The following NRXN1 variants were observed in gnomAD, a reference collection of about 807,000 sequenced individuals.
The protein encoded by NRXN1 is neurexin 1.
Under a neutral mutation model 150.9 loss-of-function variants are expected in NRXN1, and 39 were observed. That is an observed-to-expected ratio of 0.26 (90% CI 0.20 to 0.34). NRXN1 has a LOEUF of 0.34. Among genes scored for constraint, NRXN1 ranks in the 10% least tolerant of loss-of-function variants. The pLI is 1.00. For missense variants in NRXN1, 1,815 were observed against 1,949.9 expected (o/e 0.93, Z 1.30); for synonymous variants, 924 against 757.0 (o/e 1.22, Z -3.62).
At chr2:50,651,587 G>T (rs886616158) in intron 5 of NRXN1, among the ~76,000 whole-genome samples, 3 of 152,022 alleles carry the variant, frequency 2.0e-5, no homozygotes, top group African/African-American at 7.2e-5. Context: ...GAGCAGAGGA[G>T]ATGGAGGCTG....
At chr2:50,730,718 G>T (rs1200172969) in intron 5 of NRXN1, among the ~76,000 whole-genome samples, 2 of 140,614 alleles carry the variant, frequency 1.4e-5, no homozygotes, top group Middle Eastern at 4.3e-3. Context: ...TGTCGCACAG[G>T]CTGGAGTGCA....
chr2:50,824,147 A>C (rs968604978), intron 5 of NRXN1, among the ~76,000 whole-genome samples: 3 of 152,176 alleles, frequency 2.0e-5, no homozygotes, highest in African/African-American at 7.2e-5. Context: ...TTCACACACA[A>C]AAAAGAGAAA....
At chr2:50,079,722 C>G (rs1379359654) in intron 19 of NRXN1, among the ~76,000 whole-genome samples, 2 of 151,636 alleles carry the variant, frequency 1.3e-5, no homozygotes, top group Non-Finnish European at 2.9e-5. Flanking sequence ...CTAAATCATA[C>G]AGAATAAGAA....
intron 5 of NRXN1, among the ~76,000 whole-genome samples, chr2:50,672,877 G>A (rs983762036): frequency 3.9e-5 from 6 of 151,978 alleles, no homozygotes; most frequent in African/African-American, 1.4e-4. Context: ...GCTTTTGTGT[G>A]CACCACTATG....
chr2:50,034,608 A>G (rs546320174), intron 21 of NRXN1, among the ~76,000 whole-genome samples: 8 of 152,208 alleles, frequency 5.3e-5, no homozygotes, highest in African/African-American at 1.4e-4. Context: ...AAGTTTACCT[A>G]TATAACAAAC....
chr2:50,147,606 T>C (rs1461423294), intron 18 of NRXN1, among the ~76,000 whole-genome samples: 1 of 151,588 alleles, frequency 6.6e-6, no homozygotes, highest in Admixed American at 6.6e-5. Flanking sequence ...GACTGTAATA[T>C]GAAGTCACGT....
intron 8 of NRXN1, among the ~76,000 whole-genome samples, chr2:50,618,286 C>A (rs1276675956): frequency 6.6e-6 from 1 of 152,102 alleles, no homozygotes; most frequent in Non-Finnish European, 1.5e-5. Context: ...TTTCTCCATC[C>A]CTGCCTGTCT....
chr2:49,986,693 T>G (rs1029546515), intron 21 of NRXN1, among the ~76,000 whole-genome samples: 1 of 152,224 alleles, frequency 6.6e-6, no homozygotes, highest in African/African-American at 2.4e-5. Context: ...TAAGTGTAAT[T>G]AGCATATCCA....
intron 22 of NRXN1, among the ~76,000 whole-genome samples, chr2:49,934,748 A>C (rs1265742565): frequency 6.6e-6 from 1 of 152,070 alleles, no homozygotes; most frequent in Non-Finnish European, 1.5e-5. Flanking sequence ...AGGAAGCAGG[A>C]AAGTTAATCA....
chr2:50,809,008 G>GTC (rs1303052680), intron 5 of NRXN1, among the ~76,000 whole-genome samples: 1 of 152,050 alleles, frequency 6.6e-6, no homozygotes, highest in Non-Finnish European at 1.5e-5. Flanking sequence ...AATTCATAAT[G>GTC]TCTCTGGCCT....
intron 18 of NRXN1, among the ~76,000 whole-genome samples, chr2:50,097,441 C>T (rs1206981851): frequency 6.6e-6 from 1 of 152,102 alleles, no homozygotes; most frequent in Admixed American, 6.5e-5. Flanking sequence ...TTGATTGAAA[C>T]CAGAGTTGGG....
chr2:50,011,158 T>C (rs1239283717), intron 21 of NRXN1, among the ~76,000 whole-genome samples: 1 of 152,162 alleles, frequency 6.6e-6, no homozygotes, highest in Non-Finnish European at 1.5e-5. Flanking sequence ...CTGATATAGT[T>C]CTTGATGATC....
chr2:50,010,127 G>T (rs1441219357), intron 21 of NRXN1, among the ~76,000 whole-genome samples: 1 of 149,298 alleles, frequency 6.7e-6, no homozygotes, highest in Non-Finnish European at 1.5e-5. Flanking sequence ...TGTCCAAAAA[G>T]CAAAACAAAA....
At chr2:50,052,122 G>C (rs952478400) in intron 21 of NRXN1, among the ~76,000 whole-genome samples, 13 of 151,996 alleles carry the variant, frequency 8.6e-5, no homozygotes, top group African/African-American at 2.9e-4. Context: ...TCATATTTGG[G>C]GTGCTGATAC....
chr2:50,833,258 G>A (rs991600508), intron 5 of NRXN1, among the ~76,000 whole-genome samples: 3 of 152,202 alleles, frequency 2.0e-5, no homozygotes, highest in South Asian at 2.1e-4. Context: ...AGTTCCTCTG[G>A]AAAACAGTTT....
intron 18 of NRXN1, among the ~76,000 whole-genome samples, chr2:50,119,841 A>AT (rs201327205): frequency 6.6e-6 from 1 of 152,004 alleles, no homozygotes; most frequent in South Asian, 2.1e-4. Flanking sequence ...TTTGCTCTTA[A>AT]TTTTTTTTCC....
chr2:49,961,319 T>TGC (rs1491576979), intron 21 of NRXN1, among the ~76,000 whole-genome samples: 2 of 141,538 alleles, frequency 1.4e-5, no homozygotes, highest in Non-Finnish European at 3.0e-5. Flanking sequence ...TGCGCACGCA[T>TGC]GCACACACAC....
At chr2:50,931,059 G>T (rs1449665154) in intron 2 of NRXN1, among the ~76,000 whole-genome samples, 1 of 152,084 alleles carries the variant, frequency 6.6e-6, no homozygotes, top group African/African-American at 2.4e-5. Context: ...GTTAACAGAT[G>T]GACAGGAGAC....
At chr2:50,429,068 A>AT (rs1395458463) in intron 17 of NRXN1, among the ~76,000 whole-genome samples, 5 of 152,040 alleles carry the variant, frequency 3.3e-5, no homozygotes, top group Admixed American at 1.3e-4. Context: ...TGCCATACAC[A>AT]TTTTTTGGAA....
Sources: gnomAD v4.1 joint callset for allele counts (sites outside exome capture counted in the v4.1 genomes callset) on GRCh38, gnomAD v4.1.1 for gene constraint, MANE v1.5 for transcripts, NCBI Gene and HGNC (gene_info 2026-07-23, HGNC 2026-07-21) for gene names.